Variants in KANK1 observed in about 807,000 individuals in gnomAD.
KANK1 encodes KN motif and ankyrin repeat domains 1, also known as KN motif and ankyrin repeat domain-containing protein 1.
In KANK1, 109 loss-of-function variants were observed where a neutral mutation model predicts 106.2. The observed-to-expected ratio is 1.03, with a 90% confidence interval of 0.88 to 1.20. The LOEUF is 1.20. Among genes scored for constraint, KANK1 ranks in the 50% most tolerant of loss-of-function variants. The probability of loss-of-function intolerance (pLI) is 0.00; values close to 1 mark genes in which losing one functional copy is unlikely to be tolerated. For synonymous variants in KANK1, 873 were observed against 652.2 expected (o/e 1.34, Z -5.16); for missense variants, 2,399 against 1,710.7 (o/e 1.40, Z -7.10).
In KANK1 at chr9:695,425, T is replaced by C. The variant is rs1476993722; in HGVS notation, c.38-15379T>C. Among the ~76,000 whole-genome samples the C allele has an allele frequency of 2.0e-5, 3 of 151,780 alleles. No individual in the cohort carries two copies. In the East Asian group the frequency reaches 5.8e-4, roughly 29 times the overall value. On this transcript the variant is annotated intron_variant, in intron 2 of 11. Transcript: ENST00000382297. ...TCCTGTGCTGGACTGGGACTCCCCC[T>C]TATCTAACTGGTACATACCACTCTG...
At chr9:538,434 G>A (rs900690758) in intron 1 of KANK1, among the ~76,000 whole-genome samples, 3 of 152,204 alleles carry the variant, frequency 2.0e-5, no homozygotes, top group Admixed American at 6.5e-5. Context: ...AACATTTATA[G>A]CATTTCAGTA....
At chr9:654,533 A>G (rs931697063) in intron 1 of KANK1, among the ~76,000 whole-genome samples, 1 of 151,764 alleles carries the variant, frequency 6.6e-6, no homozygotes, top group Non-Finnish European at 1.5e-5. Flanking sequence ...TTTTTTTTTC[A>G]AACACTAACT....
At chr9:686,695 A>C in intron 2 of KANK1, 11 of 916,230 alleles carry the variant, frequency 1.2e-5, no homozygotes, top group Non-Finnish European at 1.4e-5. Flanking sequence ...TGGCAGTGTG[A>C]GGGGAAATGG....
chr9:726,820 C>T (rs1182903931), intron 3 of KANK1, among the ~76,000 whole-genome samples: 1 of 152,026 alleles, frequency 6.6e-6, no homozygotes, highest in Non-Finnish European at 1.5e-5. Flanking sequence ...ATTAGCCAGG[C>T]ATGGTGGCAG....
At chr9:574,093 G>C (rs1173298825) in intron 1 of KANK1, among the ~76,000 whole-genome samples, 2 of 152,218 alleles carry the variant, frequency 1.3e-5, no homozygotes, top group Admixed American at 1.3e-4. Context: ...TGTAGAAGTA[G>C]AAATCACTGA....
At chr9:613,722 A>G (rs1005170624) in intron 1 of KANK1, among the ~76,000 whole-genome samples, 3 of 152,184 alleles carry the variant, frequency 2.0e-5, no homozygotes, top group Non-Finnish European at 2.9e-5. Flanking sequence ...AATGAGATTA[A>G]AAACAGGATA....
intron 1 of KANK1, among the ~76,000 whole-genome samples, chr9:662,407 C>T (rs764344204): frequency 1.3e-5 from 2 of 152,136 alleles, no homozygotes; most frequent in Admixed American, 6.5e-5. Flanking sequence ...GGAGGCATCA[C>T]GCTACCTGAC....
intron 1 of KANK1, among the ~76,000 whole-genome samples, chr9:514,266 CCCTTCCTTCCTT>C (rs1178839452): frequency 1.8e-5 from 2 of 110,904 alleles, no homozygotes; most frequent in East Asian, 2.1e-4. Context: ...CTCCGTCCCT[CCCTTCCTTCCTT>C]CCTTCCTATT....
intron 3 of KANK1, among the ~76,000 whole-genome samples, chr9:485,020 T>C (rs1447386482): frequency 6.6e-6 from 1 of 152,224 alleles, no homozygotes; most frequent in South Asian, 2.1e-4. Flanking sequence ...AGAGAGGCCC[T>C]GGAAGCCTGG....
intron 2 of KANK1, among the ~76,000 whole-genome samples, chr9:679,782 C>T (rs967704011): frequency 4.6e-5 from 7 of 152,034 alleles, no homozygotes; most frequent in Non-Finnish European, 1.0e-4. Context: ...GTGATAATAC[C>T]ACCTAGAAAT....
rs770931099 is a variant in KANK1, at chr9:738,553, G to T, written c.3553+49G>T. The T allele has an allele frequency of 2.1e-6, 3 of 1,454,054 alleles. No homozygotes were observed. In the South Asian group the frequency reaches 3.4e-5, roughly 17 times the overall value. The allele number at this position is 1,454,054 out of a possible 1,614,324, so 90.1% of individuals were successfully genotyped here. ...TCTCTTCTCTAACAGTACTTGGGTT[G>T]TGACTCATCTCAGAGAACCTGGTTG... On this transcript the variant is annotated intron_variant, in intron 8 of 11. Transcript: ENST00000382297.
intron 1 of KANK1, among the ~76,000 whole-genome samples, chr9:671,903 G>C (rs910198950): frequency 3.3e-5 from 5 of 151,962 alleles, no homozygotes; most frequent in Non-Finnish European, 7.4e-5. Context: ...AGCTGAGATC[G>C]CGCCACTGCA....
chr9:507,970 G>A (rs574311546), intron 1 of KANK1, among the ~76,000 whole-genome samples: 100 of 151,694 alleles, frequency 6.6e-4, no homozygotes, highest in African/African-American at 2.1e-3. Flanking sequence ...ACAGGCATGC[G>A]CCCCCACACT....
intron 2 of KANK1, chr9:684,416 A>G (rs1818151281): frequency 3.0e-6 from 3 of 985,446 alleles, no homozygotes; most frequent in Non-Finnish European, 3.6e-6. Flanking sequence ...AAAAAAACAC[A>G]TACAAAATAA....
chr9:656,911 A>G (rs1021302956), intron 1 of KANK1, among the ~76,000 whole-genome samples: 3 of 152,102 alleles, frequency 2.0e-5, no homozygotes, highest in Non-Finnish European at 4.4e-5. Context: ...AACACATAGC[A>G]TAGATTTGCC....
intron 1 of KANK1, among the ~76,000 whole-genome samples, chr9:521,686 C>T (rs762425540): frequency 2.5e-4 from 37 of 150,728 alleles, no homozygotes; most frequent in Non-Finnish European, 4.9e-4. Flanking sequence ...CCTGCCTCAG[C>T]CTCCCGAGTA....
chr9:742,167 G>T (rs1441616647), intron 9 of KANK1, 38 bp from the exon 10 acceptor site: 3 of 1,587,818 alleles, frequency 1.9e-6, no homozygotes, highest in Middle Eastern at 1.7e-4. Flanking sequence ...TGCCAGCTCA[G>T]TACGTACTTC....
At position 516,947 on chromosome 9, in the gene KANK1, A is replaced by T. The variant is rs976041218; in HGVS notation, c.-84+12193A>T. On this transcript the variant is annotated intron_variant, in intron 1 of 11. Transcript: ENST00000382297. ...TTGTCCTAATGAGGTTTGGCCCCAG[A>T]TGCCCTGCCAGGTGTGCATCTGAGT... 1.6e-4 allele frequency among the ~76,000 whole-genome samples: 24 copies of T among 150,730 alleles called. 1 individual carries two copies. The highest frequency in any genetic ancestry group is 2.9e-4 in the Non-Finnish European group (20 of 67,988).
intron 2 of KANK1, among the ~76,000 whole-genome samples, chr9:690,922 G>T (rs932899881): frequency 5.3e-5 from 8 of 152,146 alleles, no homozygotes; most frequent in African/African-American, 1.7e-4. Flanking sequence ...GCTACTCTCC[G>T]CCTGTCAGAG....
Sources: gnomAD v4.1 joint callset for allele counts (sites outside exome capture counted in the v4.1 genomes callset) on GRCh38, gnomAD v4.1.1 for gene constraint, MANE v1.5 for transcripts, NCBI Gene and HGNC (gene_info 2026-07-23, HGNC 2026-07-21) for gene names.